CDK13: variants seen among roughly 807,000 people sequenced by gnomAD.
The protein encoded by CDK13 is cyclin-dependent kinase 13.
A neutral mutation model predicts 137.6 loss-of-function variants in CDK13; 40 were observed. The ratio of observed to expected loss-of-function variants is 0.29; its 90% confidence interval spans 0.23 to 0.38. The LOEUF (loss-of-function observed/expected upper bound fraction) is 0.38. Ranked by LOEUF, CDK13 falls within the 10% of genes least tolerant of loss-of-function variation. The pLI, the probability that CDK13 is intolerant of heterozygous loss-of-function variation, is 1.00. For missense variants in CDK13, 1,704 were observed against 1,951.8 expected, an observed-to-expected ratio of 0.87 and a Z score of 2.39; for synonymous variants, 869 against 760.1, an observed-to-expected ratio of 1.14 and a Z score of -2.36.
At chr7:39,993,784 A>G (rs1784509679) in intron 2 of CDK13, among the ~76,000 whole-genome samples, 2 of 152,110 alleles carry the variant, frequency 1.3e-5, no homozygotes, top group East Asian at 3.9e-4. Context: ...TATTTTGTGT[A>G]TATTTAGGTA....
At chr7:39,971,128 G>C (rs1347371155) in intron 1 of CDK13, among the ~76,000 whole-genome samples, 1 of 152,186 alleles carries the variant, frequency 6.6e-6, no homozygotes, top group Non-Finnish European at 1.5e-5. Context: ...CAAGTCCTGT[G>C]ACTTTTTAAA....
chr7:40,089,721 AGAGTGTGTGTGTGTGTGTGT>A (rs1253958361), intron 12 of CDK13, among the ~76,000 whole-genome samples: 15 of 126,760 alleles, frequency 1.2e-4, no homozygotes, highest in East Asian at 9.9e-4. Flanking sequence ...AGAGAGAGAG[AGAGTGTGTGTGTGTGTGTGT>A]GTGTGTGTGT....
chr7:39,956,805 T>C (rs1787420919), intron 1 of CDK13, among the ~76,000 whole-genome samples: 1 of 152,180 alleles, frequency 6.6e-6, no homozygotes. Flanking sequence ...CTGACTTGTC[T>C]TGAACTCCTG....
At chr7:40,049,179 C>CAAAAAAA (rs917975927) in intron 7 of CDK13, 1 of 51,322 alleles carries the variant, frequency 1.9e-5, no homozygotes, top group Admixed American at 3.0e-4. Flanking sequence ...AGACTGTCTC[C>CAAAAAAA]AAAAAAAAAA....
chr7:40,050,744 TG>T (rs746479230), intron 7 of CDK13, among the ~76,000 whole-genome samples: 4 of 152,222 alleles, frequency 2.6e-5, no homozygotes, highest in Non-Finnish European at 5.9e-5. Context: ...GGGCAAGTTC[TG>T]GTTAATTAAG....
At chr7:39,955,514 A>T (rs1373868657) in intron 1 of CDK13, among the ~76,000 whole-genome samples, 2 of 152,194 alleles carry the variant, frequency 1.3e-5, no homozygotes, top group Admixed American at 1.3e-4. Flanking sequence ...ATTGAAATTT[A>T]GTTGGCATTC....
chr7:39,975,925 A>T (rs1279711796), intron 1 of CDK13, among the ~76,000 whole-genome samples: 1 of 152,218 alleles, frequency 6.6e-6, no homozygotes, highest in Admixed American at 6.5e-5. Flanking sequence ...ACAAAGACAT[A>T]AAATACAAGC....
intron 2 of CDK13, among the ~76,000 whole-genome samples, chr7:39,995,797 C>T (rs987977765): frequency 1.3e-5 from 2 of 152,144 alleles, no homozygotes; most frequent in Non-Finnish European, 2.9e-5. Context: ...CATCTGAGGT[C>T]GGGAGTACAA....
rs1467318508 is a variant in CDK13 at position 40,091,207 on chromosome 7, T to A, written c.3236-1578T>A. On this transcript the variant is annotated intron_variant, in intron 12 of 13. Transcript: ENST00000181839. ...AAAAATACAAAAAATTAGCCGGGCG[T>A]GGTGGTGGCAGGCGCCTGTAGTCCC... Among the ~76,000 whole-genome samples the A allele has an allele frequency of 2.6e-5, 4 of 151,134 alleles. No homozygotes were observed. In the South Asian group the frequency reaches 8.4e-4, roughly 32 times the overall value.
intron 11 of CDK13, among the ~76,000 whole-genome samples, chr7:40,080,900 A>G (rs376330141): frequency 1.2e-4 from 18 of 152,210 alleles, no homozygotes; most frequent in Non-Finnish European, 2.4e-4. Context: ...TTTATTCTAC[A>G]TGCATACCAT....
chr7:40,045,309 T>G (rs1294395477), intron 5 of CDK13, among the ~76,000 whole-genome samples: 1 of 152,162 alleles, frequency 6.6e-6, no homozygotes, highest in African/African-American at 2.4e-5. Context: ...AGTTGTAATT[T>G]CAAATTATAT....
chr7:40,027,655 C>CTTTTTTT (rs761581418), intron 5 of CDK13, among the ~76,000 whole-genome samples: 2 of 89,722 alleles, frequency 2.2e-5, no homozygotes, highest in Non-Finnish European at 4.2e-5. Flanking sequence ...CACCCTTGGG[C>CTTTTTTT]TTTTTTTTTT....
chr7:39,975,230 A>G (rs1195521324), intron 1 of CDK13, among the ~76,000 whole-genome samples: 13 of 152,112 alleles, frequency 8.5e-5, no homozygotes, highest in African/African-American at 3.1e-4. Context: ...CCTGGGAAAC[A>G]TGGCAAAAAC....
rs148274621 is a variant in CDK13 at position 40,012,199 on chromosome 7, T to C, written c.2353+10168T>C. On this transcript the variant is annotated intron_variant, in intron 5 of 13. Coordinates refer to ENST00000181839, the MANE Select transcript of CDK13 (RefSeq NM_003718.5). ...TGTGGAGAAGTTGGAACCCTTACTCTTTGCTACAGAGAGAGTACAATGGTG... is the reference window on the plus strand; with the variant it reads ...TGTGGAGAAGTTGGAACCCTTACTCCTTGCTACAGAGAGAGTACAATGGTG... Among the ~76,000 whole-genome samples, 4 of 152,270 alleles carry C rather than the reference T, an allele frequency of 2.6e-5. No homozygotes were observed. In the East Asian group the frequency reaches 7.7e-4, roughly 29 times the overall value.
rs1281030407 is a variant in CDK13, at chr7:40,094,179, G to A, written c.3738G>A (p.Thr1246=). 3.1e-6 allele frequency: 5 copies of A among 1,613,778 alleles called. No individual in the cohort carries two copies. Among genetic ancestry groups the A allele is most frequent in the Admixed American group, 1.7e-5 (1 of 59,962 alleles). ...AAGATATGAGGATCTTGGAGCTAAC[G>A]CCAGAACCAGACCGGCCTCGAATTC... ...QHQDMRILEL[T]PEPDRPRILP... is the part of the protein sequence containing the mutation. Residue 1246 remains threonine (T), a synonymous_variant, in exon 14 of 14, where the codon ACG becomes ACA. Coordinates refer to ENST00000181839, the MANE Select transcript of CDK13 (RefSeq NM_003718.5).
intron 2 of CDK13, among the ~76,000 whole-genome samples, chr7:39,997,230 T>C (rs1784583708): frequency 6.6e-6 from 1 of 152,166 alleles, no homozygotes; most frequent in East Asian, 1.9e-4. Context: ...TAATCAATAT[T>C]GATACAAAGT....
chr7:40,082,345 G>T (rs890857337), intron 11 of CDK13, among the ~76,000 whole-genome samples: 2 of 152,028 alleles, frequency 1.3e-5, no homozygotes, highest in African/African-American at 2.4e-5. Flanking sequence ...AAATTAGCCA[G>T]GTGTGGTGGC....
intron 1 of CDK13, among the ~76,000 whole-genome samples, chr7:39,961,220 A>G (rs1236032199): frequency 6.6e-6 from 1 of 152,086 alleles, no homozygotes; most frequent in Non-Finnish European, 1.5e-5. Flanking sequence ...ATAGCCAAGC[A>G]TGGTGGCGTG....
intron 1 of CDK13, among the ~76,000 whole-genome samples, chr7:39,976,319 TCTCTCA>T (rs1164547026): frequency 1.5e-4 from 8 of 54,284 alleles, no homozygotes; most frequent in African/African-American, 3.7e-4. Context: ...TCTCTCTCTC[TCTCTCA>T]CACACACACA....
Sources: gnomAD v4.1 joint callset for allele counts (sites outside exome capture counted in the v4.1 genomes callset) on GRCh38, gnomAD v4.1.1 for gene constraint, MANE v1.5 for transcripts, NCBI Gene and HGNC (gene_info 2026-07-23, HGNC 2026-07-21) for gene names.